CAMK4: variants seen among roughly 807,000 people sequenced by gnomAD.
CAMK4 encodes calcium/calmodulin dependent protein kinase IV.
A neutral mutation model predicts 44.9 loss-of-function variants in CAMK4; 22 were observed. The ratio of observed to expected loss-of-function variants is 0.49; its 90% confidence interval spans 0.35 to 0.70. The LOEUF (loss-of-function observed/expected upper bound fraction) is 0.70. Among genes scored for constraint, CAMK4 ranks in the 30% least tolerant of loss-of-function variants. The pLI is 0.01. For synonymous variants in CAMK4, 218 were observed against 215.4 expected (o/e 1.01, Z -0.11); for missense variants, 498 against 586.8 (o/e 0.85, Z 1.56).
At chr5:111,338,916 T>C (rs952236350) in intron 1 of CAMK4, among the ~76,000 whole-genome samples, 2 of 151,412 alleles carry the variant, frequency 1.3e-5, no homozygotes, top group African/African-American at 2.4e-5. Flanking sequence ...GCTTTATTCT[T>C]TTTTGCTTTG....
At chr5:111,424,610 A>C (rs1294528119) in intron 5 of CAMK4, among the ~76,000 whole-genome samples, 1 of 151,474 alleles carries the variant, frequency 6.6e-6, no homozygotes, top group Non-Finnish European at 1.5e-5. Context: ...ACGCCCGGCT[A>C]ATTTTTAAAA....
At chr5:111,264,036 T>G (rs905901281) in intron 1 of CAMK4, among the ~76,000 whole-genome samples, 2 of 152,256 alleles carry the variant, frequency 1.3e-5, no homozygotes, top group Non-Finnish European at 2.9e-5. Flanking sequence ...ACTACTTTCC[T>G]AGGGCATTTG....
At chr5:111,318,794 A>G (rs1279171528) in intron 1 of CAMK4, among the ~76,000 whole-genome samples, 1 of 152,200 alleles carries the variant, frequency 6.6e-6, no homozygotes, top group East Asian at 1.9e-4. Context: ...GTATGAGGAT[A>G]ATGAAGATAA....
At chr5:111,348,255 T>G (rs527574573) in intron 2 of CAMK4, among the ~76,000 whole-genome samples, 1 of 152,116 alleles carries the variant, frequency 6.6e-6, no homozygotes, top group Non-Finnish European at 1.5e-5. Context: ...TGAGCTTCAA[T>G]GAGATTCCAT....
intron 1 of CAMK4, among the ~76,000 whole-genome samples, chr5:111,225,790 A>G (rs1313040247): frequency 6.6e-6 from 1 of 152,242 alleles, no homozygotes; most frequent in African/African-American, 2.4e-5. Flanking sequence ...CATTGAATAT[A>G]GATGTGTAAA....
At position 111,338,334 on chromosome 5, in the gene CAMK4, A is replaced by G. The variant is rs147590439; in HGVS notation, c.162-5690A>G. Among the ~76,000 whole-genome samples the G allele has an allele frequency of 3.5e-3, 536 of 151,274 alleles. 1 individual carries two copies. The highest frequency in any genetic ancestry group is 5.5e-3 in the Non-Finnish European group (373 of 67,434). On this transcript the variant is annotated intron_variant, in intron 1 of 10. Coordinates refer to ENST00000282356, the MANE Select transcript of CAMK4 (RefSeq NM_001744.6). ...GCTCTTGCATTTGTTCCTCCTGGCT[A>G]ATTAAACATTTGTATCCTTTGAGTA...
At chr5:111,435,614 C>T (rs1264943015) in intron 5 of CAMK4, among the ~76,000 whole-genome samples, 1 of 152,164 alleles carries the variant, frequency 6.6e-6, no homozygotes, top group East Asian at 1.9e-4. Flanking sequence ...TGTGCAGACT[C>T]AGGAGCTTCC....
intron 1 of CAMK4, among the ~76,000 whole-genome samples, chr5:111,341,474 G>A (rs543057178): frequency 5.3e-5 from 8 of 150,630 alleles, no homozygotes; most frequent in Admixed American, 4.0e-4. Flanking sequence ...TTTTGTCACC[G>A]AATTGCCTTT....
intron 1 of CAMK4, among the ~76,000 whole-genome samples, chr5:111,288,408 C>G (rs977196753): frequency 6.6e-6 from 1 of 152,136 alleles, no homozygotes; most frequent in Non-Finnish European, 1.5e-5. Context: ...GAAATTATAC[C>G]TATTTACAGT....
rs36107444 is a variant in CAMK4 at position 111,232,765 on chromosome 5, AT to A, written c.161+8136del. Among the ~76,000 whole-genome samples the A allele has an allele frequency of 1.9e-3, 276 of 145,784 alleles. 1 individual carries two copies. Among genetic ancestry groups the A allele is most frequent in the East Asian group, 2.6e-3 (13 of 5,030 alleles). On this transcript the variant is annotated intron_variant, in intron 1 of 10. Transcript: ENST00000282356. ...AGATAAGAGAAAACTGATGATGTAA[AT>A]TTTTTTTTTTTTTTAAGGAAAAAAC...
At chr5:111,422,095 G>C (rs188883161) in intron 5 of CAMK4, among the ~76,000 whole-genome samples, 1 of 152,124 alleles carries the variant, frequency 6.6e-6, no homozygotes, top group Non-Finnish European at 1.5e-5. Flanking sequence ...TGTGAGAACG[G>C]ACTAATACAG....
At chr5:111,314,389 A>T (rs1448262562) in intron 1 of CAMK4, among the ~76,000 whole-genome samples, 2 of 152,100 alleles carry the variant, frequency 1.3e-5, no homozygotes, top group Non-Finnish European at 2.9e-5. Flanking sequence ...AAATCTGTTT[A>T]TTAGTAAAGC....
chr5:111,379,070 G>T (rs1475573707), intron 4 of CAMK4, among the ~76,000 whole-genome samples: 1 of 152,032 alleles, frequency 6.6e-6, no homozygotes, highest in Non-Finnish European at 1.5e-5. Flanking sequence ...TGCTGGTTTT[G>T]GAGCTATGAG....
chr5:111,433,642 G>T, intron 5 of CAMK4, among the ~76,000 whole-genome samples: 1 of 152,086 alleles, frequency 6.6e-6, no homozygotes, highest in Middle Eastern at 3.2e-3. Flanking sequence ...GGAGCATGTG[G>T]GATGAGTAAT....
At chr5:111,229,662 A>G (rs1748369025) in intron 1 of CAMK4, among the ~76,000 whole-genome samples, 1 of 152,188 alleles carries the variant, frequency 6.6e-6, no homozygotes, top group Non-Finnish European at 1.5e-5. Context: ...CTGGGTAGGT[A>G]TACTGCTGGC....
chr5:111,240,452 A>C (rs947275333), intron 1 of CAMK4, among the ~76,000 whole-genome samples: 2 of 152,226 alleles, frequency 1.3e-5, no homozygotes, highest in Non-Finnish European at 2.9e-5. Context: ...TATTTCTCTA[A>C]CGTGATACCT....
chr5:111,367,306 C>T (rs1420555580), intron 2 of CAMK4, among the ~76,000 whole-genome samples: 2 of 151,764 alleles, frequency 1.3e-5, no homozygotes, highest in Non-Finnish European at 2.9e-5. Context: ...CCCATCATAA[C>T]TATCTCACTC....
At chr5:111,483,233 G>T (rs765091663) in intron 10 of CAMK4, among the ~76,000 whole-genome samples, 4 of 152,092 alleles carry the variant, frequency 2.6e-5, no homozygotes, top group Non-Finnish European at 4.4e-5. Context: ...TGCTTAAACA[G>T]CATTGTTCAG....
chr5:111,312,553 C>T (rs1221330646), intron 1 of CAMK4, among the ~76,000 whole-genome samples: 5 of 152,220 alleles, frequency 3.3e-5, no homozygotes, highest in African/African-American at 1.2e-4. Context: ...CCAGCAGACT[C>T]AGTCAGTGTA....
Sources: gnomAD v4.1 joint callset for allele counts (sites outside exome capture counted in the v4.1 genomes callset) on GRCh38, gnomAD v4.1.1 for gene constraint, MANE v1.5 for transcripts, NCBI Gene and HGNC (gene_info 2026-07-23, HGNC 2026-07-21) for gene names.